The following MTUS1 variants were observed in gnomAD, a reference collection of about 807,000 sequenced individuals.
MTUS1 encodes microtubule associated scaffold protein 1.
A neutral mutation model predicts 120.8 loss-of-function variants in MTUS1; 109 were observed. The ratio of observed to expected loss-of-function variants is 0.90; its 90% confidence interval spans 0.77 to 1.06. The LOEUF (loss-of-function observed/expected upper bound fraction) is 1.06. Among genes scored for constraint, MTUS1 ranks in the 50% least tolerant of loss-of-function variants. The probability of loss-of-function intolerance (pLI) is 0.00; values close to 1 mark genes in which losing one functional copy is unlikely to be tolerated. For synonymous variants in MTUS1, 737 were observed against 550.5 expected (o/e 1.34, Z -4.74); for missense variants, 2,210 against 1,486.3 (o/e 1.49, Z -8.01).
At chr8:17,710,814 T>A (rs1416620651) in intron 6 of MTUS1, among the ~76,000 whole-genome samples, 2 of 152,212 alleles carry the variant, frequency 1.3e-5, no homozygotes, top group Non-Finnish European at 2.9e-5. Context: ...AAATTACTCC[T>A]TGATCCATGG....
intron 1 of MTUS1, among the ~76,000 whole-genome samples, chr8:17,769,641 C>T (rs1339484653): frequency 6.6e-6 from 1 of 152,112 alleles, no homozygotes; most frequent in Non-Finnish European, 1.5e-5. Flanking sequence ...GCCACCCGCG[C>T]CCGGCCCTTA....
chr8:17,794,067 T>C (rs932102224), intron 1 of MTUS1, among the ~76,000 whole-genome samples: 1 of 151,994 alleles, frequency 6.6e-6, no homozygotes, highest in African/African-American at 2.4e-5. Context: ...GTGGCTCACG[T>C]CTGTAGTCCC....
intron 1 of MTUS1, among the ~76,000 whole-genome samples, chr8:17,794,313 A>G (rs1340094798): frequency 6.6e-6 from 1 of 152,026 alleles, no homozygotes; most frequent in African/African-American, 2.4e-5. Context: ...GGGCAACAAG[A>G]GCAAAACTCT....
chr8:17,789,952 C>T (rs1470697776), intron 1 of MTUS1, among the ~76,000 whole-genome samples: 1 of 152,150 alleles, frequency 6.6e-6, no homozygotes, highest in African/African-American at 2.4e-5. Flanking sequence ...CTGGCCTCAC[C>T]TCCTACTTCA....
intron 6 of MTUS1, among the ~76,000 whole-genome samples, chr8:17,706,730 A>G (rs1160157778): frequency 6.6e-6 from 1 of 152,230 alleles, no homozygotes; most frequent in Non-Finnish European, 1.5e-5. Context: ...AATTGTATAG[A>G]TGTTCATCAT....
At chr8:17,768,187 A>AT (rs1301238744) in intron 1 of MTUS1, among the ~76,000 whole-genome samples, 3 of 152,242 alleles carry the variant, frequency 2.0e-5, no homozygotes, top group Non-Finnish European at 4.4e-5. Flanking sequence ...TTCTAGAGAG[A>AT]TACACGAAGG....
intron 4 of MTUS1, among the ~76,000 whole-genome samples, chr8:17,723,031 T>C (rs1453322163): frequency 1.3e-5 from 2 of 152,228 alleles, no homozygotes; most frequent in African/African-American, 4.8e-5. Context: ...TATCCTGTGC[T>C]CCTCACTGCG....
At chr8:17,789,815 C>T (rs1356306695) in intron 1 of MTUS1, among the ~76,000 whole-genome samples, 2 of 152,138 alleles carry the variant, frequency 1.3e-5, no homozygotes. Flanking sequence ...ACAGTCCTAA[C>T]CCTATATATT....
chr8:17,720,496 T>C lies in MTUS1; in HGVS notation c.2449+3176A>G, dbSNP rs146248435. ...CTTTTATTCAGTCTCCTTCTGTTCCTTCCATTTCCAGGAGAATGCAAATAG... is the reference window on the plus strand; with the variant it reads ...CTTTTATTCAGTCTCCTTCTGTTCCCTCCATTTCCAGGAGAATGCAAATAG... On this transcript the variant is annotated intron_variant, in intron 4 of 14. Transcript: ENST00000693296. Among the ~76,000 whole-genome samples the C allele has an allele frequency of 2.2e-3, 328 of 152,352 alleles. 2 individuals are homozygous for C. Among genetic ancestry groups the C allele is most frequent in the African/African-American group, 7.3e-3 (305 of 41,582 alleles).
Position 17,749,108 on chromosome 8 carries a change from CAG to C in MTUS1, c.2091+4607_2091+4608del, listed in dbSNP as rs369329760. Among the ~76,000 whole-genome samples the C allele has an allele frequency of 3.3e-3, 509 of 152,248 alleles. 2 individuals are homozygous for C. Among genetic ancestry groups the C allele is most frequent in the Middle Eastern group, 0.014 (4 of 292 alleles). On this transcript the variant is annotated intron_variant, in intron 2 of 14. Transcript: ENST00000693296. ...TCAGGATATGAAAGGAAGGGGGAGT[CAG>C]ACATAATTATACTCTCCGAAGGGTT...
At chr8:17,670,205 G>A (rs1235067248) in intron 8 of MTUS1, among the ~76,000 whole-genome samples, 1 of 152,202 alleles carries the variant, frequency 6.6e-6, no homozygotes, top group Non-Finnish European at 1.5e-5. Flanking sequence ...GAAGGAAGGG[G>A]CTGGACCATC....
At chr8:17,735,821 A>C (rs1395736375) in intron 3 of MTUS1, among the ~76,000 whole-genome samples, 2 of 152,278 alleles carry the variant, frequency 1.3e-5, no homozygotes, top group Non-Finnish European at 2.9e-5. Context: ...TATGAAAATA[A>C]CTAAGAGCTG....
At chr8:17,665,869 C>T (rs1810790661) in intron 8 of MTUS1, among the ~76,000 whole-genome samples, 1 of 152,100 alleles carries the variant, frequency 6.6e-6, no homozygotes. Context: ...CCCCCCTATA[C>T]TGGGTAGTGC....
chr8:17,653,511 A>G lies in MTUS1; in HGVS notation c.3215-13T>C. On this transcript the variant is annotated splice_polypyrimidine_tract_variant and intron_variant, in intron 10 of 14. Coordinates refer to ENST00000693296, the MANE Select transcript of MTUS1 (RefSeq NM_001363059.2). ...CCTTTCTTAATTTCTGGGAAAATAA[A>G]CGGATATTTTTGAGGCAATAACATT... The G allele has an allele frequency of 1.3e-6, 2 of 1,590,286 alleles. No individual in the cohort carries two copies. The highest frequency in any genetic ancestry group is 1.7e-6 in the Non-Finnish European group (2 of 1,161,478).
chr8:17,793,864 G>A (rs77613688), intron 1 of MTUS1, among the ~76,000 whole-genome samples: 6,903 of 152,188 alleles, frequency 0.045, 540 homozygotes, highest in African/African-American at 0.16. Flanking sequence ...TAACAACCTG[G>A]GAGAATATTT....
chr8:17,713,911 A>T (rs1294111553), intron 5 of MTUS1, among the ~76,000 whole-genome samples: 1 of 152,216 alleles, frequency 6.6e-6, no homozygotes, highest in African/African-American at 2.4e-5. Flanking sequence ...AATGGAAAGC[A>T]CTGATTCCCA....
Position 17,649,897 on chromosome 8 carries a change from C to A in MTUS1, c.3450G>T (p.Lys1150Asn). Residue 1150 changes from lysine (K) to asparagine (N), a missense_variant, in exon 13 of 15, where the codon AAG (lysine) becomes AAT (asparagine). Coordinates refer to ENST00000693296, the MANE Select transcript of MTUS1 (RefSeq NM_001363059.2). ...TGTCCTGTTGATGCAGTTTCTCATT[C>A]TTGATCTCTAACACAGCTTTCAGGC... ...LESLKAVLEIKNEKLHQQDIK... is the reference protein window; with the variant it reads ...LESLKAVLEINNEKLHQQDIK... The A allele has an allele frequency of 6.2e-7, 1 of 1,612,146 alleles. No individual in the cohort carries two copies. The highest frequency in any genetic ancestry group is 8.5e-7 in the Non-Finnish European group (1 of 1,178,426).
chr8:17,679,511 ATTTAT>A (rs768532260), intron 7 of MTUS1, among the ~76,000 whole-genome samples: 4,565 of 42,316 alleles, frequency 0.11, 154 homozygotes, highest in East Asian at 0.24. Flanking sequence ...TTATTTATTT[ATTTAT>A]TTTTTGAGAC....
chr8:17,690,823 G>A lies in MTUS1; in HGVS notation c.2624-6281C>T, dbSNP rs765828399. On this transcript the variant is annotated intron_variant, in intron 6 of 14. Coordinates refer to ENST00000693296, the MANE Select transcript of MTUS1 (RefSeq NM_001363059.2). ...GCTGATGTTTATAAAAAGGACCCTC[G>A]TGTACTAAAATGACCCAAAGTATTG... is the stretch of plus-strand genomic sequence containing the variant. 3.3e-4 allele frequency among the ~76,000 whole-genome samples: 50 copies of A among 152,082 alleles called. No homozygotes were observed. In the South Asian group the frequency reaches 5.8e-3, roughly 18 times the overall value.
Sources: gnomAD v4.1 joint callset for allele counts (sites outside exome capture counted in the v4.1 genomes callset) on GRCh38, gnomAD v4.1.1 for gene constraint, MANE v1.5 for transcripts, NCBI Gene and HGNC (gene_info 2026-07-23, HGNC 2026-07-21) for gene names.